SLC9A9: variants seen among roughly 807,000 people sequenced by gnomAD.
SLC9A9 encodes solute carrier family 9 member A9, also known as sodium/hydrogen exchanger 9.
In SLC9A9, 62 loss-of-function variants were observed where a neutral mutation model predicts 77.8. That is an observed-to-expected ratio of 0.80 (90% confidence interval 0.65 to 0.98). The LOEUF is 0.98. SLC9A9 is among the 50% of genes least tolerant of loss of function. SLC9A9 has a pLI of 0.00. For synonymous variants in SLC9A9, 320 were observed against 283.5 expected (o/e 1.13, Z -1.29); for missense variants, 775 against 774.9 (o/e 1.00, Z 0.00).
chr3:143,729,162 T>C (rs1275420087), intron 4 of SLC9A9, among the ~76,000 whole-genome samples: 4 of 152,162 alleles, frequency 2.6e-5, no homozygotes, highest in Non-Finnish European at 5.9e-5. Flanking sequence ...ACTTAACTTA[T>C]GCATCAACTC....
intron 9 of SLC9A9, among the ~76,000 whole-genome samples, chr3:143,547,433 C>T (rs1447507471): frequency 6.6e-6 from 1 of 152,196 alleles, no homozygotes; most frequent in East Asian, 1.9e-4. Context: ...CATAATTTGT[C>T]CCCCAAACCT....
At chr3:143,311,225 TATTGGGTA>T (rs1303373551) in intron 14 of SLC9A9, among the ~76,000 whole-genome samples, 1 of 152,214 alleles carries the variant, frequency 6.6e-6, no homozygotes, top group Non-Finnish European at 1.5e-5. Context: ...AGCATCTCTC[TATTGGGTA>T]AGAGTGTTTA....
intron 9 of SLC9A9, among the ~76,000 whole-genome samples, chr3:143,534,887 G>GA (rs11388689): frequency 0.1 from 15,265 of 151,978 alleles, 1,236 homozygotes; most frequent in African/African-American, 0.21. Flanking sequence ...TTTTGCTTTA[G>GA]AAAAAACCTT....
chr3:143,605,790 T>A (rs768491957), intron 6 of SLC9A9, among the ~76,000 whole-genome samples: 4 of 152,242 alleles, frequency 2.6e-5, no homozygotes, highest in Non-Finnish European at 4.4e-5. Flanking sequence ...TAGAACCGTG[T>A]TAAGCAAGTT....
At chr3:143,615,983 C>A (rs1408019691) in intron 6 of SLC9A9, among the ~76,000 whole-genome samples, 23 of 151,670 alleles carry the variant, frequency 1.5e-4, no homozygotes, top group Admixed American at 1.5e-3. Context: ...TGGGTTCATG[C>A]CATTCTCCTG....
intron 14 of SLC9A9, among the ~76,000 whole-genome samples, chr3:143,329,080 C>T (rs1287383335): frequency 6.6e-6 from 1 of 152,230 alleles, no homozygotes; most frequent in Non-Finnish European, 1.5e-5. Flanking sequence ...AATAATCTAA[C>T]TACACAAGAA....
intron 2 of SLC9A9, among the ~76,000 whole-genome samples, chr3:143,824,504 A>C (rs191744383): frequency 6.6e-6 from 1 of 152,180 alleles, no homozygotes; most frequent in East Asian, 1.9e-4. Context: ...GAACCTTCTA[A>C]TTTTGCTAAC....
chr3:143,315,780 A>C lies in SLC9A9; in HGVS notation c.1605-46800T>G, dbSNP rs2031189958. ...CTTGGGCAGAGTTAAAATAAACCCA[A>C]TGTTTAATGCTTCCCTGGGGTAAAG... On this transcript the variant is annotated intron_variant, in intron 14 of 15. Transcript: ENST00000316549. Among the ~76,000 whole-genome samples, 4 of 152,306 alleles carry C rather than the reference A, an allele frequency of 2.6e-5. No homozygotes were observed. In the Middle Eastern group the frequency reaches 0.014, roughly 518 times the overall value.
chr3:143,647,135 G>A (rs2038720491), intron 6 of SLC9A9, among the ~76,000 whole-genome samples: 1 of 152,110 alleles, frequency 6.6e-6, no homozygotes, highest in African/African-American at 2.4e-5. Flanking sequence ...GGTGTTTTAT[G>A]TTTAATCCCA....
intron 12 of SLC9A9, among the ~76,000 whole-genome samples, chr3:143,458,591 G>T (rs1235792897): frequency 6.6e-6 from 1 of 151,782 alleles, no homozygotes; most frequent in East Asian, 1.9e-4. Flanking sequence ...ATATCTCATT[G>T]TGTATGTGTT....
intron 6 of SLC9A9, chr3:143,627,059 G>A (rs964094286): frequency 1.3e-5 from 2 of 152,148 alleles, no homozygotes; most frequent in African/African-American, 4.8e-5. Flanking sequence ...TTTTAGTAGC[G>A]ATTGGGTTTC....
intron 14 of SLC9A9, among the ~76,000 whole-genome samples, chr3:143,278,669 C>A (rs931869243): frequency 1.3e-5 from 2 of 150,648 alleles, no homozygotes; most frequent in Admixed American, 1.3e-4. Flanking sequence ...GTGATGTCAG[C>A]TTAGGGGCCC....
At chr3:143,299,017 A>T (rs1003461147) in intron 14 of SLC9A9, among the ~76,000 whole-genome samples, 7 of 152,282 alleles carry the variant, frequency 4.6e-5, no homozygotes, top group African/African-American at 1.4e-4. Context: ...TGAACAAGGT[A>T]TGTACGCCTG....
At chr3:143,471,290 G>A (rs149538262) in intron 11 of SLC9A9, among the ~76,000 whole-genome samples, 5 of 152,260 alleles carry the variant, frequency 3.3e-5, no homozygotes, top group Non-Finnish European at 7.4e-5. Context: ...TTGTGACTCT[G>A]AAGTTGCTTA....
At chr3:143,733,291 C>G (rs192489490) in intron 4 of SLC9A9, among the ~76,000 whole-genome samples, 1 of 152,114 alleles carries the variant, frequency 6.6e-6, no homozygotes, top group Non-Finnish European at 1.5e-5. Context: ...TTTTCAAGTC[C>G]TCTCACACTC....
Position 143,529,136 on chromosome 3 carries a change from C to T in SLC9A9, c.1089+23226G>A, listed in dbSNP as rs182468001. Among the ~76,000 whole-genome samples, 479 of 152,240 alleles carry T rather than the reference C, an allele frequency of 3.1e-3. 1 individual carries two copies. Among genetic ancestry groups the T allele is most frequent in the Non-Finnish European group, 5.0e-3 (342 of 68,012 alleles). On this transcript the variant is annotated intron_variant, in intron 9 of 15. Coordinates refer to ENST00000316549, the MANE Select transcript of SLC9A9 (RefSeq NM_173653.4). ...GAGCTAAGGTGCTTGAGGGTAGAGA[C>T]GCAGTCAAGCCTCTCAAGCAAAAAA...
intron 14 of SLC9A9, among the ~76,000 whole-genome samples, chr3:143,280,920 CTA>C (rs1938199514): frequency 6.6e-6 from 1 of 152,184 alleles, no homozygotes. Context: ...ACATATAACT[CTA>C]AAATCCTTCT....
At chr3:143,653,869 T>G (rs1356081135) in intron 5 of SLC9A9, among the ~76,000 whole-genome samples, 1 of 152,092 alleles carries the variant, frequency 6.6e-6, no homozygotes, top group Non-Finnish European at 1.5e-5. Context: ...ACCTCACTGG[T>G]TTTCATCTTC....
chr3:143,757,314 T>A (rs2006957221), intron 4 of SLC9A9, among the ~76,000 whole-genome samples: 1 of 152,134 alleles, frequency 6.6e-6, no homozygotes, highest in African/African-American at 2.4e-5. Context: ...AACAGGCAAG[T>A]GGGAGCTAGG....
Sources: gnomAD v4.1 joint callset for allele counts (sites outside exome capture counted in the v4.1 genomes callset) on GRCh38, gnomAD v4.1.1 for gene constraint, MANE v1.5 for transcripts, NCBI Gene and HGNC (gene_info 2026-07-23, HGNC 2026-07-21) for gene names.